Variants in UBE2D3 observed in about 807,000 individuals in gnomAD.
The protein encoded by UBE2D3 is ubiquitin conjugating enzyme E2 D3, also known as ubiquitin-conjugating enzyme E2 D3.
In UBE2D3, 2 loss-of-function variants were observed where a neutral mutation model predicts 22.8. The ratio of observed to expected loss-of-function variants is 0.09; its 90% CI spans 0.04 to 0.28. The LOEUF (loss-of-function observed/expected upper bound fraction) is 0.28. Ranked by LOEUF, UBE2D3 falls within the 10% of genes least tolerant of loss-of-function variation. The pLI, the probability that UBE2D3 is intolerant of heterozygous loss-of-function variation, is 1.00. For synonymous variants in UBE2D3, 56 were observed against 60.4 expected, an observed-to-expected ratio of 0.93 and a Z score of 0.34; for missense variants, 27 against 182.5, an observed-to-expected ratio of 0.15 and a Z score of 4.91.
At chr4:102,802,676 T>A (rs375013655) in intron 4 of UBE2D3, 38 bp from the exon 5 acceptor site, 546 of 1,481,838 alleles carry the variant, frequency 3.7e-4, no homozygotes, top group Non-Finnish European at 4.7e-4. Flanking sequence ...AAATTTAAAA[T>A]ATTATTGCTA....
chr4:102,813,334 G>A (rs572232544), intron 2 of UBE2D3, among the ~76,000 whole-genome samples: 9 of 152,108 alleles, frequency 5.9e-5, no homozygotes, highest in Non-Finnish European at 1.3e-4. Context: ...TTGCAGGTAC[G>A]CATCACTATG....
intron 1 of UBE2D3, among the ~76,000 whole-genome samples, chr4:102,850,082 A>C (rs1732263687): frequency 6.6e-6 from 1 of 152,228 alleles, no homozygotes; most frequent in Non-Finnish European, 1.5e-5. Context: ...TATCCATTTA[A>C]TAGAATATAG....
intron 2 of UBE2D3, among the ~76,000 whole-genome samples, chr4:102,822,751 C>T (rs929910662): frequency 2.4e-5 from 1 of 41,764 alleles, no homozygotes; most frequent in African/African-American, 2.5e-4. Flanking sequence ...CTGGTTAACA[C>T]GGTGAAACCC....
At chr4:102,837,418 C>T (rs1578282826) in intron 1 of UBE2D3, among the ~76,000 whole-genome samples, 1 of 152,304 alleles carries the variant, frequency 6.6e-6, no homozygotes, top group Non-Finnish European at 1.5e-5. Context: ...GTATATTTTA[C>T]AAGTTGTAAG....
intron 1 of UBE2D3, among the ~76,000 whole-genome samples, chr4:102,835,109 G>A (rs1731321538): frequency 6.6e-6 from 1 of 152,088 alleles, no homozygotes; most frequent in South Asian, 2.1e-4. Flanking sequence ...TTATAATGAA[G>A]AAGCCTCATT....
intron 4 of UBE2D3, among the ~76,000 whole-genome samples, chr4:102,806,601 AG>A (rs2110271352): frequency 6.6e-6 from 1 of 152,294 alleles, no homozygotes; most frequent in South Asian, 2.1e-4. Context: ...GACTATGCTC[AG>A]GCTGCCAAAG....
intron 1 of UBE2D3, among the ~76,000 whole-genome samples, chr4:102,857,793 AAG>A (rs1179949191): frequency 0.01 from 1,528 of 151,986 alleles, 10 homozygotes; most frequent in Non-Finnish European, 0.017. Flanking sequence ...TCCCGGGTTC[AAG>A]CAATTCTTCT....
chr4:102,827,221 A>C, intron 1 of UBE2D3: 4 of 983,708 alleles, frequency 4.1e-6, no homozygotes, highest in Non-Finnish European at 4.8e-6. Context: ...GCTGTCCCTG[A>C]GGCTCCGGCT....
At chr4:102,832,267 A>G (rs1731153691), upstream of UBE2D3, among the ~76,000 whole-genome samples, 1 of 152,228 alleles carries the variant, frequency 6.6e-6, no homozygotes, top group Non-Finnish European at 1.5e-5. Context: ...TTTTAAAACT[A>G]GAAAAACTTT....
At chr4:102,829,228 C>G (rs750022254), upstream of UBE2D3, among the ~76,000 whole-genome samples, 1 of 152,148 alleles carries the variant, frequency 6.6e-6, no homozygotes, top group Non-Finnish European at 1.5e-5. Flanking sequence ...CCAGGTGATA[C>G]AGATTTTTCT....
At chr4:102,826,834 CTT>C in intron 1 of UBE2D3, 198 bp from the exon 2 acceptor site, 1 of 1,175,828 alleles carries the variant, frequency 8.5e-7, no homozygotes. Flanking sequence ...ACAAGTTTAA[CTT>C]CCCGGCCTCT....
At chr4:102,797,775 A>C (rs2110239521) in intron 7 of UBE2D3, among the ~76,000 whole-genome samples, 1 of 152,142 alleles carries the variant, frequency 6.6e-6, no homozygotes, top group East Asian at 1.9e-4. Flanking sequence ...TAACGTGAAG[A>C]AATTTTTACA....
At chr4:102,806,427 C>T (rs970814734) in intron 4 of UBE2D3, among the ~76,000 whole-genome samples, 2 of 151,962 alleles carry the variant, frequency 1.3e-5, no homozygotes, top group African/African-American at 4.8e-5. Flanking sequence ...CAAAGCTCCT[C>T]AACGAGTAAG....
upstream of UBE2D3, chr4:102,828,282 G>T: frequency 1.0e-5 from 10 of 985,080 alleles, no homozygotes; most frequent in Non-Finnish European, 1.2e-5. Context: ...CTTTAGTCTA[G>T]CTCGGGCCGG....
chr4:102,819,780 AG>A (rs1292589282), intron 2 of UBE2D3, among the ~76,000 whole-genome samples: 1 of 152,242 alleles, frequency 6.6e-6, no homozygotes. Context: ...GGTCATACAG[AG>A]GACAGAACGC....
At position 102,795,158 on chromosome 4, in the gene UBE2D3, A is replaced by G. The variant is rs546248636; in HGVS notation, c.*2257T>C. On this transcript the variant is annotated 3_prime_UTR_variant, in exon 8 of 8. Transcript: ENST00000453744. ...AGAAGCAACAAATGAAATGATGTAT[A>G]AAGCATCAAGTCAAAGATACAGAGA... 2 of 152,202 alleles carry G rather than the reference A, an allele frequency of 1.3e-5. No homozygotes were observed. The highest frequency in any genetic ancestry group is 4.8e-5 in the African/African-American group (2 of 41,564). 9.4% of individuals were successfully genotyped at this position (152,202 alleles called of 1,614,324 possible).
At chr4:102,845,238 A>C (rs956813469) in intron 1 of UBE2D3, among the ~76,000 whole-genome samples, 1 of 152,034 alleles carries the variant, frequency 6.6e-6, no homozygotes, top group Non-Finnish European at 1.5e-5. Context: ...ACAAAACAAA[A>C]CAAAGAATTT....
intron 2 of UBE2D3, among the ~76,000 whole-genome samples, chr4:102,814,844 G>A (rs2110297229): frequency 6.6e-6 from 1 of 151,970 alleles, no homozygotes; most frequent in Middle Eastern, 3.4e-3. Flanking sequence ...TTAAATTTTT[G>A]ACCTATGTGA....
At chr4:102,867,259 C>A (rs1229020775) in intron 1 of UBE2D3, among the ~76,000 whole-genome samples, 1 of 152,078 alleles carries the variant, frequency 6.6e-6, no homozygotes, top group Non-Finnish European at 1.5e-5. Flanking sequence ...TGAAAGATTG[C>A]TTTAAAAAAT....
Sources: gnomAD v4.1 joint callset for allele counts (sites outside exome capture counted in the v4.1 genomes callset) on GRCh38, gnomAD v4.1.1 for gene constraint, MANE v1.5 for transcripts, NCBI Gene and HGNC (gene_info 2026-07-23, HGNC 2026-07-21) for gene names.